MAP4K3: variants seen among roughly 807,000 people sequenced by gnomAD.
MAP4K3 encodes the protein MAPK/ERK kinase kinase kinase 3.
Under a neutral mutation model 143.5 loss-of-function variants are expected in MAP4K3, and 94 were observed. The observed-to-expected ratio is 0.65, with a 90% confidence interval of 0.55 to 0.78. The LOEUF (loss-of-function observed/expected upper bound fraction) is 0.78, where lower values mean the gene tolerates loss of function less well. Ranked by LOEUF, MAP4K3 falls within the 30% of genes least tolerant of loss-of-function variation. The pLI, the probability that MAP4K3 is intolerant of heterozygous loss-of-function variation, is 0.00. For missense variants in MAP4K3, 1,077 were observed against 1,068.1 expected, an observed-to-expected ratio of 1.01 and a Z score of -0.12; for synonymous variants, 416 against 347.2, an observed-to-expected ratio of 1.20 and a Z score of -2.20.
chr2:39,415,709 T>C (rs1667350552), intron 1 of MAP4K3, among the ~76,000 whole-genome samples: 1 of 151,582 alleles, frequency 6.6e-6, no homozygotes, highest in African/African-American at 2.4e-5. Flanking sequence ...CACAGCACTT[T>C]GGAAGGCCGA....
chr2:39,307,897 A>T, intron 15 of MAP4K3, 46 bp downstream of exon 15: 1 of 1,389,138 alleles, frequency 7.2e-7, no homozygotes, highest in Non-Finnish European at 9.8e-7. Context: ...GAAAACAATT[A>T]AGACTAAAAC....
intron 3 of MAP4K3, among the ~76,000 whole-genome samples, chr2:39,350,263 A>T (rs1230335617): frequency 1.3e-5 from 2 of 152,232 alleles, no homozygotes; most frequent in South Asian, 2.1e-4. Flanking sequence ...GAAAGACATG[A>T]ACAGAAAACT....
chr2:39,428,743 T>C (rs941242522), intron 1 of MAP4K3, among the ~76,000 whole-genome samples: 59 of 152,092 alleles, frequency 3.9e-4, no homozygotes, highest in Middle Eastern at 3.4e-3. Context: ...TCATTTTGCC[T>C]GTTTCCCTTT....
intron 12 of MAP4K3, among the ~76,000 whole-genome samples, chr2:39,318,965 G>C (rs1683208825): frequency 6.6e-6 from 1 of 152,076 alleles, no homozygotes; most frequent in African/African-American, 2.4e-5. Flanking sequence ...GGAGACATTT[G>C]GCAATATCTG....
chr2:39,260,837 A>G, intron 28 of MAP4K3, 60 bp from the exon 29 acceptor site: 1 of 1,185,108 alleles, frequency 8.4e-7, no homozygotes, highest in Admixed American at 2.2e-5. Flanking sequence ...TAATTCTATG[A>G]GAATACTATA....
intron 33 of MAP4K3, among the ~76,000 whole-genome samples, chr2:39,251,349 G>C (rs1268757091): frequency 1.3e-5 from 2 of 152,210 alleles, no homozygotes; most frequent in Non-Finnish European, 2.9e-5. Flanking sequence ...ACATTCCTAT[G>C]TATCTATGCC....
chr2:39,361,302 C>A (rs947678901), intron 2 of MAP4K3, among the ~76,000 whole-genome samples: 2 of 151,922 alleles, frequency 1.3e-5, no homozygotes, highest in African/African-American at 4.8e-5. Context: ...CAATTCTATG[C>A]CCCCTTACTC....
At chr2:39,312,388 C>T (rs1573133541) in intron 13 of MAP4K3, among the ~76,000 whole-genome samples, 1 of 151,924 alleles carries the variant, frequency 6.6e-6, no homozygotes, top group Non-Finnish European at 1.5e-5. Context: ...TACATTTCAA[C>T]TAGTAAGAGC....
At chr2:39,425,632 A>G (rs1273526718) in intron 1 of MAP4K3, among the ~76,000 whole-genome samples, 1 of 152,164 alleles carries the variant, frequency 6.6e-6, no homozygotes, top group Non-Finnish European at 1.5e-5. Flanking sequence ...TGGCATCTTG[A>G]TCTTGAATGT....
At chr2:39,417,721 C>T (rs1667424812) in intron 1 of MAP4K3, among the ~76,000 whole-genome samples, 1 of 152,180 alleles carries the variant, frequency 6.6e-6, no homozygotes, top group African/African-American at 2.4e-5. Context: ...GCTTCATCTA[C>T]TAAGAGAAAT....
At position 39,436,991 on chromosome 2, in the gene MAP4K3, G is replaced by C; in HGVS notation, c.-4C>G. The C allele has an allele frequency of 6.2e-7, 1 of 1,609,164 alleles. No homozygotes were observed. Among genetic ancestry groups the C allele is most frequent in the Middle Eastern group, 1.7e-4 (1 of 5,984 alleles). On this transcript the variant is annotated 5_prime_UTR_variant, in exon 1 of 34. Coordinates refer to ENST00000263881, the MANE Select transcript of MAP4K3 (RefSeq NM_003618.4). ...ACAAATCGAAGCCGGGGTTCATGGCGGGCCCCAGGTGCCCCCCGCCTCCCT... is the reference window on the plus strand; with the variant it reads ...ACAAATCGAAGCCGGGGTTCATGGCCGGCCCCAGGTGCCCCCCGCCTCCCT...
chr2:39,307,982 G>T lies in MAP4K3; in HGVS notation c.1080C>A (p.Asp360Glu). Residue 360 changes from aspartate (D) to glutamate (E), a missense_variant, in exon 15 of 34, where the codon GAC becomes GAA. By Grantham distance (45) the Asp-to-Glu change is conservative (BLOSUM62 2). This residue lies in a region of MAP4K3 where 864 missense variants were observed against 801.2 expected (regional missense o/e 1.08). Coordinates refer to ENST00000263881, the MANE Select transcript of MAP4K3 (RefSeq NM_003618.4). ...HELPDSDGFL[D>E]SSEEIYYTAR... ...CAGTGTAGTATATTTCTTCTGAACTGTCCAAAAAACCATCACTGTCGGGCT... is the reference window on the plus strand; with the variant it reads ...CAGTGTAGTATATTTCTTCTGAACTTTCCAAAAAACCATCACTGTCGGGCT... 1 of 1,599,042 alleles carries T rather than the reference G, an allele frequency of 6.3e-7. No homozygotes were observed. Among genetic ancestry groups the T allele is most frequent in the Non-Finnish European group, 8.5e-7 (1 of 1,173,104 alleles).
At chr2:39,265,387 A>G in intron 27 of MAP4K3, 81 bp from the exon 28 acceptor site, 1 of 882,952 alleles carries the variant, frequency 1.1e-6, no homozygotes, top group South Asian at 1.4e-5. Context: ...AAAAACAAAC[A>G]AAACTAAACA....
At chr2:39,398,097 C>T (rs933449878) in intron 1 of MAP4K3, among the ~76,000 whole-genome samples, 15 of 152,068 alleles carry the variant, frequency 9.9e-5, no homozygotes, top group African/African-American at 1.4e-4. Flanking sequence ...AAATTACAGA[C>T]GCATGTACCC....
chr2:39,421,567 A>G (rs911763028), intron 1 of MAP4K3, among the ~76,000 whole-genome samples: 2 of 152,098 alleles, frequency 1.3e-5, no homozygotes, highest in African/African-American at 4.8e-5. Flanking sequence ...GTAAAATGGA[A>G]ATAACAATAC....
At chr2:39,307,909 A>AT (rs1399090585) in intron 15 of MAP4K3, 34 bp downstream of exon 15, 29 of 1,473,872 alleles carry the variant, frequency 2.0e-5, no homozygotes, top group Non-Finnish European at 2.4e-5. Context: ...GACTAAAACA[A>AT]TGCTGACAAA....
At chr2:39,369,084 G>A (rs1237463799) in intron 2 of MAP4K3, among the ~76,000 whole-genome samples, 1 of 151,806 alleles carries the variant, frequency 6.6e-6, no homozygotes, top group Non-Finnish European at 1.5e-5. Context: ...TCTCCCATCT[G>A]CCTGTGTACA....
chr2:39,275,080 T>G (rs1681190798), intron 24 of MAP4K3, among the ~76,000 whole-genome samples: 1 of 152,230 alleles, frequency 6.6e-6, no homozygotes, highest in Non-Finnish European at 1.5e-5. Flanking sequence ...ATGTTTCCTT[T>G]GAAGGGCAAT....
At position 39,355,533 on chromosome 2, in the gene MAP4K3, C is replaced by T. The variant is rs77030169; in HGVS notation, c.245+716G>A. Among the ~76,000 whole-genome samples the T allele has an allele frequency of 6.4e-3, 975 of 151,912 alleles. 12 individuals are homozygous for T. Among genetic ancestry groups the T allele is most frequent in the African/African-American group, 0.023 (935 of 41,428 alleles). On this transcript the variant is annotated intron_variant, in intron 3 of 33. Coordinates refer to ENST00000263881, the MANE Select transcript of MAP4K3 (RefSeq NM_003618.4). ...GGTGACAGAGTGAGACTCTGTCCCG[C>T]CCCCACAAAAGAAAGAAAGGAAAAA...
Sources: allele counts gnomAD v4.1 joint callset (sites outside exome capture counted in the v4.1 genomes callset), GRCh38; gene constraint gnomAD v4.1.1; regional missense constraint gnomAD v4.1.1; transcripts MANE v1.5; gene names NCBI Gene and HGNC (gene_info 2026-07-23, HGNC 2026-07-21).